Variants in UBE2K observed in about 807,000 individuals in gnomAD.
UBE2K encodes ubiquitin conjugating enzyme E2 K.
In UBE2K, 6 loss-of-function variants were observed where a neutral mutation model predicts 30.0. The ratio of observed to expected loss-of-function variants is 0.20; its 90% confidence interval spans 0.11 to 0.39. UBE2K has a LOEUF of 0.39. UBE2K is among the 10% of genes least tolerant of loss of function. The probability of loss-of-function intolerance (pLI) is 1.00; values close to 1 mark genes in which losing one functional copy is unlikely to be tolerated. For synonymous variants in UBE2K, 86 were observed against 83.7 expected (o/e 1.03, Z -0.15); for missense variants, 61 against 241.6 (o/e 0.25, Z 4.96).
intron 1 of UBE2K, among the ~76,000 whole-genome samples, chr4:39,721,050 C>T (rs1312679133): frequency 6.6e-6 from 1 of 152,148 alleles, no homozygotes; most frequent in East Asian, 1.9e-4. Flanking sequence ...TGGCCAACTT[C>T]TGTTTTTCTT....
intron 1 of UBE2K, among the ~76,000 whole-genome samples, chr4:39,699,018 T>C (rs1189040605): frequency 6.6e-6 from 1 of 152,204 alleles, no homozygotes; most frequent in Non-Finnish European, 1.5e-5. Flanking sequence ...TCACCTGAGT[T>C]AGCAAGTTAA....
At chr4:39,748,342 C>T (rs528318021) in intron 3 of UBE2K, among the ~76,000 whole-genome samples, 83 of 152,206 alleles carry the variant, frequency 5.5e-4, no homozygotes, top group Non-Finnish European at 1.0e-3. Flanking sequence ...GATCCCTCCA[C>T]CTTGGCCTCC....
At position 39,757,297 on chromosome 4, in the gene UBE2K, A is replaced by G. The variant is rs1379812850; in HGVS notation, c.299+1558A>G. On this transcript the variant is annotated intron_variant, in intron 4 of 6. Transcript: ENST00000261427. The stretch of plus-strand genomic sequence containing the variant: ...TGCCTCAGCCTCCCAAAGTGTTGGG[A>G]TTACAGGCATGAGCCACCACACCCG... 5.9e-5 allele frequency among the ~76,000 whole-genome samples: 9 copies of G among 152,220 alleles called. No homozygotes were observed. The East Asian group carries it at 1.5e-3, about 26-fold the overall frequency.
intron 2 of UBE2K, among the ~76,000 whole-genome samples, chr4:39,742,666 G>A (rs1720767859): frequency 6.6e-6 from 1 of 152,164 alleles, no homozygotes; most frequent in Non-Finnish European, 1.5e-5. Flanking sequence ...TGCTGGAACT[G>A]GGAGGTGAAG....
intron 2 of UBE2K, among the ~76,000 whole-genome samples, chr4:39,742,183 A>C (rs1720737809): frequency 1.3e-5 from 2 of 151,070 alleles, no homozygotes; most frequent in African/African-American, 4.8e-5. Context: ...GAGTTTAATC[A>C]GAAAAAAAAA....
chr4:39,777,573 A>C (rs1457858009), intron 5 of UBE2K, 109 bp from the exon 6 acceptor site: 26 of 1,063,884 alleles, frequency 2.4e-5, no homozygotes, highest in Admixed American at 6.1e-5. Context: ...CACATTTTAA[A>C]TGTAGATTTG....
At chr4:39,727,440 C>A (rs1489520292) in intron 1 of UBE2K, among the ~76,000 whole-genome samples, 1 of 152,182 alleles carries the variant, frequency 6.6e-6, no homozygotes, top group African/African-American at 2.4e-5. Flanking sequence ...CGGCTCTCTG[C>A]AGCCTGGGAT....
In UBE2K at chr4:39,778,572, T is replaced by C. The variant is rs1319192019; in HGVS notation, c.*138T>C. Reference sequence around the variant, plus strand: ...ATGTTATCTAGGCACCATTGGAGACTGAAAAAAAAAAATCCCTGCTCTGTA... The same window carrying C: ...ATGTTATCTAGGCACCATTGGAGACCGAAAAAAAAAAATCCCTGCTCTGTA... On this transcript the variant is annotated 3_prime_UTR_variant, in exon 7 of 7. Transcript: ENST00000261427. 2 of 477,004 alleles carry C rather than the reference T, an allele frequency of 4.2e-6. No homozygotes were observed. Among genetic ancestry groups the C allele is most frequent in the Non-Finnish European group, 3.7e-6 (1 of 271,412 alleles). The allele number at this position is 477,004 out of a possible 1,614,324, so 29.5% of individuals were successfully genotyped here. A position where few individuals can be genotyped will look rare whatever the true frequency, so the allele number is the denominator to read the frequency against.
intron 1 of UBE2K, among the ~76,000 whole-genome samples, chr4:39,700,743 A>T (rs928950746): frequency 2.6e-5 from 4 of 151,986 alleles, no homozygotes; most frequent in African/African-American, 4.8e-5. Context: ...GCTTGTGTTT[A>T]CTAAGAACAC....
intron 6 of UBE2K, 66 bp downstream of exon 6, chr4:39,777,876 C>A: frequency 7.5e-7 from 1 of 1,332,880 alleles, no homozygotes; most frequent in Non-Finnish European, 9.7e-7. Context: ...AAATTCTTGG[C>A]TGACAAAAGT....
At chr4:39,711,732 T>G (rs1312834649) in intron 1 of UBE2K, among the ~76,000 whole-genome samples, 1 of 151,728 alleles carries the variant, frequency 6.6e-6, no homozygotes, top group East Asian at 1.9e-4. Context: ...TTGAATCAAT[T>G]TACATTCCCA....
At chr4:39,709,710 C>A (rs1456202244) in intron 1 of UBE2K, among the ~76,000 whole-genome samples, 1 of 152,032 alleles carries the variant, frequency 6.6e-6, no homozygotes, top group Admixed American at 6.6e-5. Context: ...TATGTGGGCT[C>A]TGTTCTCCAG....
intron 2 of UBE2K, among the ~76,000 whole-genome samples, chr4:39,740,862 C>CAAA (rs57382171): frequency 1.4e-5 from 1 of 69,798 alleles, no homozygotes; most frequent in Non-Finnish European, 3.3e-5. Context: ...GACTCCGTCT[C>CAAA]AAAAAAAAAA....
At chr4:39,776,074 G>GTT (rs562437505) in intron 5 of UBE2K, among the ~76,000 whole-genome samples, 68 of 152,278 alleles carry the variant, frequency 4.5e-4, no homozygotes, top group African/African-American at 1.6e-3. Context: ...AGAGCCTGGT[G>GTT]TTTAACTAAA....
At chr4:39,774,367 G>A (rs563763581) in intron 4 of UBE2K, among the ~76,000 whole-genome samples, 159 of 151,960 alleles carry the variant, frequency 1.0e-3, no homozygotes, top group African/African-American at 3.8e-3. Flanking sequence ...CAGCACATTG[G>A]GAGGCCAAGG....
chr4:39,764,508 C>T (rs755854389), intron 4 of UBE2K, among the ~76,000 whole-genome samples: 8 of 150,294 alleles, frequency 5.3e-5, no homozygotes, highest in South Asian at 2.1e-4. Flanking sequence ...GCAGTGACAA[C>T]GATCACAGCT....
At chr4:39,725,195 T>G (rs1379379822) in intron 1 of UBE2K, among the ~76,000 whole-genome samples, 1 of 151,736 alleles carries the variant, frequency 6.6e-6, no homozygotes, top group Middle Eastern at 3.2e-3. Context: ...TGTAGACAAA[T>G]GGAGACATGG....
chr4:39,743,603 CAAA>C (rs547385325), intron 2 of UBE2K, among the ~76,000 whole-genome samples: 6 of 112,554 alleles, frequency 5.3e-5, no homozygotes, highest in Non-Finnish European at 8.1e-5. Flanking sequence ...GACTCCGTCT[CAAA>C]AAAAAAAAAA....
At chr4:39,734,488 G>C (rs1037147955) in intron 1 of UBE2K, among the ~76,000 whole-genome samples, 4 of 152,062 alleles carry the variant, frequency 2.6e-5, no homozygotes, top group Non-Finnish European at 5.9e-5. Context: ...GAAAAAAAGA[G>C]CAATTTTTTT....
Sources: gnomAD v4.1 joint callset for allele counts (sites outside exome capture counted in the v4.1 genomes callset) on GRCh38, gnomAD v4.1.1 for gene constraint, MANE v1.5 for transcripts, NCBI Gene and HGNC (gene_info 2026-07-23, HGNC 2026-07-21) for gene names.